The following CCDC66 variants were observed in gnomAD, a reference collection of about 807,000 sequenced individuals.
The protein encoded by CCDC66 is coiled-coil domain containing 66.
In CCDC66, 133 loss-of-function variants were observed where a neutral mutation model predicts 128.3. That is an observed-to-expected ratio of 1.04 (90% CI 0.90 to 1.20). The LOEUF is 1.20. Ranked by LOEUF, CCDC66 falls within the 50% of genes most tolerant of loss-of-function variation. CCDC66 has a pLI of 0.00. For synonymous variants in CCDC66, 387 were observed against 357.0 expected (o/e 1.08, Z -0.95); for missense variants, 1,126 against 1,075.5 (o/e 1.05, Z -0.66).
chr3:56,596,568 T>A (rs887076191), intron 10 of CCDC66, among the ~76,000 whole-genome samples: 4 of 151,930 alleles, frequency 2.6e-5, no homozygotes, highest in Non-Finnish European at 5.9e-5. Context: ...TCTTTCACTC[T>A]GGTTATTGTT....
chr3:56,578,011 G>A (rs1358252491), intron 7 of CCDC66, among the ~76,000 whole-genome samples: 3 of 151,836 alleles, frequency 2.0e-5, no homozygotes, highest in African/African-American at 7.2e-5. Context: ...ACTTTGGGCA[G>A]TATGGCCATT....
chr3:56,569,484 C>G (rs569318620), intron 6 of CCDC66: 1 of 163,090 alleles, frequency 6.1e-6, no homozygotes, highest in African/African-American at 2.4e-5. Flanking sequence ...AGGGAGAACT[C>G]AAGCATCATC....
intron 7 of CCDC66, among the ~76,000 whole-genome samples, chr3:56,585,061 C>T (rs556038919): frequency 2.8e-5 from 4 of 141,006 alleles, no homozygotes; most frequent in East Asian, 2.4e-4. Context: ...AGCTTCGGCT[C>T]GGCATCAGAG....
intron 7 of CCDC66, among the ~76,000 whole-genome samples, chr3:56,588,651 A>G (rs2070281439): frequency 6.6e-6 from 1 of 152,164 alleles, no homozygotes; most frequent in Admixed American, 6.5e-5. Context: ...CCCTACCTCC[A>G]ACACTGGGGA....
Position 56,617,187 on chromosome 3 carries a change from GT to G in CCDC66, c.1921del (p.Ser641HisfsTer22), listed in dbSNP as rs2075631165. On this transcript the variant is annotated frameshift_variant, in exon 14 of 18. Transcript: ENST00000394672. LOFTEE classifies it high-confidence loss of function. Reference sequence around the variant, plus strand: ...TTAATGGAGAGGGACATCACAAATTGTTCATCTCCTGAGATTTCGGCAGAAC... The same window carrying G: ...TTAATGGAGAGGGACATCACAAATTGTCATCTCCTGAGATTTCGGCAGAAC... ...GSLMERDITN[C>X]SSPEISAELI... is the part of the protein sequence containing the mutation. The G allele has an allele frequency of 6.2e-7, 1 of 1,613,098 alleles. No homozygotes were observed. The highest frequency in any genetic ancestry group is 1.3e-5 in the African/African-American group (1 of 74,978).
In CCDC66 at chr3:56,617,249, G is replaced by T; in HGVS notation, c.1981G>T (p.Glu661Ter). ...GTTTAGCACCAAGAAAAACAAGCAA[G>T]AACTAACTCAGGATAAAGGAGCCAG... is the stretch of plus-strand genomic sequence containing the variant. ...GQFSTKKNKQ[E>*]LTQDKGASLE... is the part of the protein sequence containing the mutation. The change falls in exon 14 of 18, where the codon GAA becomes TAA. Residue 661 changes from glutamate to a stop codon, truncating the protein, a stop_gained. Transcript: ENST00000394672. LOFTEE classifies it high-confidence loss of function. 1 of 1,613,784 alleles carries T rather than the reference G, an allele frequency of 6.2e-7. No individual in the cohort carries two copies. Among genetic ancestry groups the T allele is most frequent in the Non-Finnish European group, 8.5e-7 (1 of 1,179,910 alleles).
In CCDC66 at chr3:56,616,059, T is replaced by A; in HGVS notation, c.1843+6T>A. On this transcript the variant is annotated splice_donor_region_variant and intron_variant, in intron 13 of 17. Transcript: ENST00000394672. ...GGATACTGGTGTGCAAACAGGTATT[T>A]GTGTGGAAATTGTGGTTTGGTTTAA... The A allele has an allele frequency of 6.3e-7, 1 of 1,578,016 alleles. No homozygotes were observed. Among genetic ancestry groups the A allele is most frequent in the East Asian group, 2.4e-5 (1 of 42,308 alleles).
In CCDC66 at chr3:56,618,557, G is replaced by GGAC. The variant is rs531538443; in HGVS notation, c.2378+346_2378+348dup. On this transcript the variant is annotated intron_variant, in intron 15 of 17. Coordinates refer to ENST00000394672, the MANE Select transcript of CCDC66 (RefSeq NM_001141947.3). ...GTGAATGGGAAGAAATGACTGATAA[G>GGAC]GACAATGAGAAATTCAGTCAGTTAA... 5.7e-5 allele frequency: 13 copies of GGAC among 227,466 alleles called. No homozygotes were observed. In the South Asian group the frequency reaches 1.8e-3, roughly 31 times the overall value. 14.1% of individuals were successfully genotyped at this position (227,466 alleles called of 1,614,324 possible).
intron 3 of CCDC66, among the ~76,000 whole-genome samples, chr3:56,560,659 G>A (rs1003086324): frequency 1.3e-5 from 2 of 152,212 alleles, no homozygotes; most frequent in African/African-American, 4.8e-5. Context: ...GATGGAGGTT[G>A]TAGTGAGCCG....
chr3:56,621,231 G>A (rs563514292), intron 17 of CCDC66: 56 of 214,278 alleles, frequency 2.6e-4, no homozygotes, highest in African/African-American at 1.2e-3. Flanking sequence ...GTATCTAAGA[G>A]CACTTGGGGG....
At chr3:56,618,133 C>G in intron 14 of CCDC66, 39 bp from the exon 15 acceptor site, 2 of 1,482,266 alleles carry the variant, frequency 1.3e-6, no homozygotes, top group South Asian at 2.3e-5. Context: ...TGTGAAGATG[C>G]TATATATTCC....
At chr3:56,557,614 C>A in intron 1 of CCDC66, 1 of 276,640 alleles carries the variant, frequency 3.6e-6, no homozygotes, top group East Asian at 6.7e-5. Flanking sequence ...GGCCCATGCC[C>A]CGGGTTCTTC....
intron 7 of CCDC66, among the ~76,000 whole-genome samples, chr3:56,581,442 G>A (rs754776003): frequency 1.4e-4 from 22 of 151,800 alleles, no homozygotes; most frequent in Non-Finnish European, 2.8e-4. Context: ...GTCCAGCTTT[G>A]TTCCATTGCT....
At chr3:56,620,128 G>A (rs1253640774) in intron 17 of CCDC66, 2 of 289,840 alleles carry the variant, frequency 6.9e-6, no homozygotes, top group African/African-American at 2.2e-5. Context: ...TCATCAGACA[G>A]TTCTAAAATT....
chr3:56,593,486 A>G lies in CCDC66; in HGVS notation c.1069-5A>G, dbSNP rs2071307678. ...TTCTTAGCAATTCTTATTTGTCATC[A>G]TTAGGGTGAGGAACATGACAGATGG... is the stretch of plus-strand genomic sequence containing the variant. On this transcript the variant is annotated splice_region_variant and splice_polypyrimidine_tract_variant and intron_variant, in intron 8 of 17. Coordinates refer to ENST00000394672, the MANE Select transcript of CCDC66 (RefSeq NM_001141947.3). 1 of 1,612,686 alleles carries G rather than the reference A, an allele frequency of 6.2e-7. No homozygotes were observed. The highest frequency in any genetic ancestry group is 2.2e-5 in the East Asian group (1 of 44,858).
chr3:56,579,811 G>A (rs2068022750), intron 7 of CCDC66, among the ~76,000 whole-genome samples: 1 of 151,852 alleles, frequency 6.6e-6, no homozygotes, highest in Admixed American at 6.6e-5. Context: ...CATTTGCTGA[G>A]GAGTGCTTTA....
At chr3:56,559,360 A>G (rs17235670) in intron 2 of CCDC66, among the ~76,000 whole-genome samples, 57,968 of 151,784 alleles carry the variant, frequency 0.38, 13,653 homozygotes, top group Non-Finnish European at 0.54. Context: ...TTATAGTTTT[A>G]CCTTGGAAAG....
At chr3:56,584,310 G>A (rs1172814709) in intron 7 of CCDC66, among the ~76,000 whole-genome samples, 1 of 146,938 alleles carries the variant, frequency 6.8e-6, no homozygotes, top group African/African-American at 2.5e-5. Flanking sequence ...TGGCTGCCGG[G>A]CGGAGGGGTT....
At chr3:56,613,490 G>T in intron 10 of CCDC66, 99 bp from the exon 11 acceptor site, 1 of 1,379,190 alleles carries the variant, frequency 7.3e-7, no homozygotes, top group Non-Finnish European at 9.8e-7. Context: ...CCCCTCTGTG[G>T]AAGAGGTGAG....
Sources: gnomAD v4.1 joint callset for allele counts (sites outside exome capture counted in the v4.1 genomes callset) on GRCh38, gnomAD v4.1.1 for gene constraint, MANE v1.5 for transcripts, NCBI Gene and HGNC (gene_info 2026-07-23, HGNC 2026-07-21) for gene names.